Variants in ASXL2 observed in about 807,000 individuals in gnomAD.
ASXL2 encodes putative Polycomb group protein ASXL2.
A neutral mutation model predicts 122.0 loss-of-function variants in ASXL2; 23 were observed. The observed-to-expected ratio is 0.19, with a 90% CI of 0.14 to 0.27. The LOEUF is 0.27. ASXL2 is among the 10% of genes least tolerant of loss of function. The probability of loss-of-function intolerance (pLI) is 1.00; values close to 1 mark genes in which losing one functional copy is unlikely to be tolerated. For synonymous variants in ASXL2, 650 were observed against 637.0 expected (o/e 1.02, Z -0.31); for missense variants, 1,518 against 1,713.8 (o/e 0.89, Z 2.02).
At chr2:25,758,201 C>A (rs1246138097) in intron 9 of ASXL2, among the ~76,000 whole-genome samples, 4 of 152,190 alleles carry the variant, frequency 2.6e-5, no homozygotes, top group Non-Finnish European at 1.5e-5. Flanking sequence ...GATATCAATG[C>A]AGTCTAGTAG....
intron 1 of ASXL2, among the ~76,000 whole-genome samples, chr2:25,862,452 G>C (rs757499678): frequency 6.6e-6 from 1 of 151,942 alleles, no homozygotes; most frequent in Non-Finnish European, 1.5e-5. Context: ...TACATTAGAC[G>C]GCCAAGATCT....
intron 10 of ASXL2, among the ~76,000 whole-genome samples, chr2:25,755,805 T>C (rs2088119977): frequency 6.6e-6 from 1 of 152,240 alleles, no homozygotes; most frequent in African/African-American, 2.4e-5. Flanking sequence ...TTTATATCAT[T>C]AAAGAAACAT....
In ASXL2 at chr2:25,749,891, T is replaced by C; in HGVS notation, c.1665A>G (p.Leu555=). ...CTGGGCTCTGATCAACAAGAGTTGCTAGAGGTTCTTTCATATTAGTCTCCT... is the reference window on the plus strand; with the variant it reads ...CTGGGCTCTGATCAACAAGAGTTGCCAGAGGTTCTTTCATATTAGTCTCCT... ...GPQETNMKEP[L]ATLVDQSPES... is the part of the protein sequence containing the mutation. Residue 555 remains leucine, a synonymous_variant, in exon 12 of 13, where the codon CTA becomes CTG. Transcript: ENST00000435504. 1 of 1,612,026 alleles carries C rather than the reference T, an allele frequency of 6.2e-7. No individual in the cohort carries two copies. The highest frequency in any genetic ancestry group is 8.5e-7 in the Non-Finnish European group (1 of 1,179,312).
At chr2:25,841,568 C>G (rs1457460113) in intron 2 of ASXL2, among the ~76,000 whole-genome samples, 4 of 151,972 alleles carry the variant, frequency 2.6e-5, no homozygotes, top group Non-Finnish European at 5.9e-5. Context: ...CAGAACATGC[C>G]AGGCACGGTA....
At chr2:25,749,025 G>T (rs2087989912) in intron 12 of ASXL2, among the ~76,000 whole-genome samples, 1 of 152,052 alleles carries the variant, frequency 6.6e-6, no homozygotes, top group Admixed American at 6.5e-5. Context: ...GGTAGTTCCT[G>T]ATTCACAGAA....
intron 5 of ASXL2, among the ~76,000 whole-genome samples, chr2:25,783,931 G>C (rs1168126032): frequency 6.6e-6 from 1 of 152,088 alleles, no homozygotes; most frequent in Non-Finnish European, 1.5e-5. Context: ...GCACATGCCT[G>C]TAATCCCAGC....
chr2:25,742,754 C>T lies in ASXL2; in HGVS notation c.3583G>A (p.Val1195Met), dbSNP rs2087853825. ...TGGGAAACCTGGGGCTCCTCTTTCACTGTGACAGATTCCTGCTCATCACCA... is the reference window on the plus strand; with the variant it reads ...TGGGAAACCTGGGGCTCCTCTTTCATTGTGACAGATTCCTGCTCATCACCA... Reference protein sequence around the residue: ...STGDEQESVTVKEEPQVSQSA... With the variant: ...STGDEQESVTMKEEPQVSQSA... Residue 1195 changes from valine (V) to methionine (M), a missense_variant, in exon 13 of 13, where the codon GTG (valine) becomes ATG (methionine). Physicochemically the swap from Val to Met is conservative, Grantham distance 21. Coordinates refer to ENST00000435504, the MANE Select transcript of ASXL2 (RefSeq NM_018263.6). The T allele has an allele frequency of 6.2e-7, 1 of 1,614,022 alleles. No individual in the cohort carries two copies. The highest frequency in any genetic ancestry group is 8.5e-7 in the Non-Finnish European group (1 of 1,179,904).
intron 5 of ASXL2, among the ~76,000 whole-genome samples, chr2:25,780,546 G>T (rs774505890): frequency 1.4e-4 from 22 of 152,156 alleles, no homozygotes; most frequent in Non-Finnish European, 3.2e-4. Flanking sequence ...TTGGGTGGAA[G>T]CCCAGATCTA....
intron 5 of ASXL2, 66 bp downstream of exon 5, chr2:25,799,319 G>T: frequency 1.2e-6 from 2 of 1,606,346 alleles, no homozygotes; most frequent in Non-Finnish European, 1.7e-6. Flanking sequence ...GGGAAAAGAG[G>T]AACTACTAAC....
At chr2:25,859,029 G>A (rs567132000) in intron 1 of ASXL2, among the ~76,000 whole-genome samples, 11 of 151,596 alleles carry the variant, frequency 7.3e-5, no homozygotes, top group Admixed American at 2.6e-4. Context: ...GGCCAGGCTG[G>A]TCTCAAAACT....
In ASXL2 at chr2:25,878,034, C is replaced by A. The variant is rs2149206646; in HGVS notation, c.57+132G>T. 7 of 1,150,554 alleles carry A rather than the reference C, an allele frequency of 6.1e-6. No individual in the cohort carries two copies. In the East Asian group the frequency reaches 1.7e-4, roughly 27 times the overall value. The allele number at this position is 1,150,554 out of a possible 1,614,324, so 71.3% of individuals were successfully genotyped here. On this transcript the variant is annotated intron_variant, in intron 1 of 12. Coordinates refer to ENST00000435504, the MANE Select transcript of ASXL2 (RefSeq NM_018263.6). ...CAGGGATCGCAACCCCGACACTAAC[C>A]GCCGCCCTCTCCGCGCGGTTTTGTG...
chr2:25,864,240 C>T (rs1008820888), intron 1 of ASXL2, among the ~76,000 whole-genome samples: 28 of 152,132 alleles, frequency 1.8e-4, no homozygotes, highest in Non-Finnish European at 3.7e-4. Flanking sequence ...TAATGCCAGG[C>T]GATACGCCTT....
At chr2:25,859,755 T>C (rs549745690) in intron 1 of ASXL2, among the ~76,000 whole-genome samples, 14 of 152,198 alleles carry the variant, frequency 9.2e-5, no homozygotes, top group African/African-American at 3.1e-4. Context: ...AAGAAACAAA[T>C]CATACATGTC....
intron 1 of ASXL2, among the ~76,000 whole-genome samples, chr2:25,845,979 C>G (rs2089643238): frequency 6.6e-6 from 1 of 152,170 alleles, no homozygotes; most frequent in Non-Finnish European, 1.5e-5. Flanking sequence ...TTTGAGGACT[C>G]CGAAAATGGT....
At chr2:25,851,824 G>A (rs1462777289) in intron 1 of ASXL2, among the ~76,000 whole-genome samples, 1 of 152,022 alleles carries the variant, frequency 6.6e-6, no homozygotes, top group Admixed American at 6.6e-5. Flanking sequence ...CTGGGAGGTG[G>A]GGGTTGCCAT....
At chr2:25,877,702 C>T (rs2090020719) in intron 1 of ASXL2, among the ~76,000 whole-genome samples, 2 of 152,220 alleles carry the variant, frequency 1.3e-5, no homozygotes, top group South Asian at 2.1e-4. Context: ...GTCACAGGCA[C>T]GTCCGCTGTA....
chr2:25,777,350 T>A (rs1189853939), intron 5 of ASXL2, among the ~76,000 whole-genome samples: 1 of 152,070 alleles, frequency 6.6e-6, no homozygotes, highest in Non-Finnish European at 1.5e-5. Context: ...CAAATAAGAC[T>A]TAAACACAGG....
At chr2:25,846,629 C>G (rs920593593) in intron 1 of ASXL2, among the ~76,000 whole-genome samples, 1 of 150,998 alleles carries the variant, frequency 6.6e-6, no homozygotes, top group African/African-American at 2.4e-5. Flanking sequence ...TCCTGGGCAA[C>G]AGAGCGAGAC....
chr2:25,779,797 GTTC>G (rs1019702079), intron 5 of ASXL2, among the ~76,000 whole-genome samples: 2 of 151,700 alleles, frequency 1.3e-5, no homozygotes, highest in African/African-American at 2.4e-5. Context: ...ATTTTAATAG[GTTC>G]TTGTTTGTCC....
Sources: gnomAD v4.1 joint callset for allele counts (sites outside exome capture counted in the v4.1 genomes callset) on GRCh38, gnomAD v4.1.1 for gene constraint, MANE v1.5 for transcripts, NCBI Gene and HGNC (gene_info 2026-07-23, HGNC 2026-07-21) for gene names.